ITGB3BP: variants seen among roughly 807,000 people sequenced by gnomAD.
The protein encoded by ITGB3BP is centromere protein R.
Under a neutral mutation model 29.1 loss-of-function variants are expected in ITGB3BP, and 27 were observed. The ratio of observed to expected loss-of-function variants is 0.93; its 90% CI spans 0.68 to 1.28. The LOEUF (loss-of-function observed/expected upper bound fraction) is 1.28. Ranked by LOEUF, ITGB3BP falls within the 50% of genes most tolerant of loss-of-function variation. ITGB3BP has a pLI of 0.00. For missense variants in ITGB3BP, 192 were observed against 200.2 expected, an observed-to-expected ratio of 0.96 and a Z score of 0.25; for synonymous variants, 61 against 61.4, an observed-to-expected ratio of 0.99 and a Z score of 0.03.
intron 1 of ITGB3BP, among the ~76,000 whole-genome samples, chr1:63,518,217 G>A (rs187590202): frequency 1.1e-4 from 16 of 152,234 alleles, no homozygotes; most frequent in Middle Eastern, 3.4e-3. Flanking sequence ...ATTTTCTCAC[G>A]AATGGGTATG....
At chr1:63,522,764 C>T (rs1290124210) in intron 1 of ITGB3BP, among the ~76,000 whole-genome samples, 5 of 152,072 alleles carry the variant, frequency 3.3e-5, no homozygotes, top group Non-Finnish European at 7.3e-5. Context: ...TACACGAACG[C>T]GCCACATTAA....
In ITGB3BP at chr1:63,523,149, AG is replaced by A. The variant is rs755651998; in HGVS notation, c.-17del. 1.2e-6 allele frequency: 2 copies of A among 1,614,142 alleles called. No homozygotes were observed. Among genetic ancestry groups the A allele is most frequent in the Non-Finnish European group, 1.7e-6 (2 of 1,180,028 alleles). ...CCTACGGCATTCTGAGATTCGGGAA[AG>A]CACCACTGCCGCTGAATAAAACGAA... On this transcript the variant is annotated 5_prime_UTR_variant, in exon 1 of 9. Coordinates refer to ENST00000271002, the MANE Select transcript of ITGB3BP (RefSeq NM_014288.5).
chr1:63,488,872 A>G (rs1229956900), intron 3 of ITGB3BP, among the ~76,000 whole-genome samples: 5 of 152,086 alleles, frequency 3.3e-5, no homozygotes, highest in Admixed American at 3.3e-4. Context: ...ATAATCTGTG[A>G]TAATTATCTA....
At chr1:63,508,049 T>C (rs903320550) in intron 2 of ITGB3BP, among the ~76,000 whole-genome samples, 5 of 152,202 alleles carry the variant, frequency 3.3e-5, no homozygotes, top group African/African-American at 1.2e-4. Context: ...GTGATAACTG[T>C]GGTGCAATTT....
upstream of ITGB3BP, among the ~76,000 whole-genome samples, chr1:63,526,490 A>AT (rs1280141597): frequency 1.3e-5 from 2 of 152,182 alleles, no homozygotes; most frequent in African/African-American, 4.8e-5. Flanking sequence ...AAACCCTGAC[A>AT]TATTTGTGCA....
intron 2 of ITGB3BP, among the ~76,000 whole-genome samples, chr1:63,494,509 G>A (rs938443412): frequency 6.6e-6 from 1 of 152,110 alleles, no homozygotes; most frequent in African/African-American, 2.4e-5. Flanking sequence ...ATGGAGAACA[G>A]AAACATTTTG....
chr1:63,454,365 C>A lies in ITGB3BP; in HGVS notation c.427+15G>T. 1.4e-6 allele frequency: 2 copies of A among 1,387,796 alleles called. No homozygotes were observed. The highest frequency in any genetic ancestry group is 1.4e-5 in the African/African-American group (1 of 69,628). 86.0% of individuals were successfully genotyped at this position (1,387,796 alleles called of 1,614,324 possible). On this transcript the variant is annotated intron_variant, in intron 6 of 8. Coordinates refer to ENST00000271002, the MANE Select transcript of ITGB3BP (RefSeq NM_014288.5). This position sits in a 1 kb window ranked among gnomAD's most constrained non-coding sequence, Gnocchi z 4.1. ...TCTTTAAAATTACTGTCATTGAAAACTCAAAAATTCTTACTTAGTTCTTTG... is the reference window on the plus strand; with the variant it reads ...TCTTTAAAATTACTGTCATTGAAAAATCAAAAATTCTTACTTAGTTCTTTG...
intron 4 of ITGB3BP, among the ~76,000 whole-genome samples, chr1:63,475,247 G>T (rs1318322809): frequency 6.6e-6 from 1 of 152,186 alleles, no homozygotes; most frequent in Non-Finnish European, 1.5e-5. Context: ...AAAGAGCTAG[G>T]ATTACAGGCA....
intron 4 of ITGB3BP, among the ~76,000 whole-genome samples, chr1:63,468,956 CAGG>C (rs1371328623): frequency 6.6e-6 from 1 of 151,704 alleles, no homozygotes; most frequent in Non-Finnish European, 1.5e-5. Flanking sequence ...GAGCCTGAGG[CAGG>C]AGGATTGCTT....
intron 7 of ITGB3BP, chr1:63,453,629 A>C (rs1557609683): frequency 4.1e-6 from 1 of 245,136 alleles, no homozygotes; most frequent in Non-Finnish European, 7.8e-6. Flanking sequence ...TCTCAAAAAG[A>C]AATTTTAATA....
chr1:63,447,636 T>G (rs1300604326), intron 7 of ITGB3BP: 1 of 487,808 alleles, frequency 2.0e-6, no homozygotes, highest in Non-Finnish European at 4.1e-6. Context: ...AGCAGGAGTT[T>G]GTAAGACAGA....
chr1:63,482,747 G>A (rs750877354), intron 3 of ITGB3BP, among the ~76,000 whole-genome samples: 7 of 148,124 alleles, frequency 4.7e-5, no homozygotes, highest in Non-Finnish European at 7.4e-5. Flanking sequence ...TCCGCCTCCC[G>A]GGTTCAAGTG....
At chr1:63,480,179 A>T (rs1012754894) in intron 3 of ITGB3BP, among the ~76,000 whole-genome samples, 5 of 152,144 alleles carry the variant, frequency 3.3e-5, no homozygotes, top group Non-Finnish European at 4.4e-5. Context: ...CAAGTTTCAC[A>T]AATTGACAGA....
chr1:63,477,212 A>G (rs1645355346), intron 4 of ITGB3BP, among the ~76,000 whole-genome samples: 1 of 152,202 alleles, frequency 6.6e-6, no homozygotes, highest in Non-Finnish European at 1.5e-5. Flanking sequence ...CTCAGTTTCC[A>G]CATCTTTTAA....
chr1:63,466,268 G>A (rs1394294968), intron 4 of ITGB3BP, among the ~76,000 whole-genome samples: 3 of 152,188 alleles, frequency 2.0e-5, no homozygotes, highest in East Asian at 3.9e-4. Flanking sequence ...TTGGCAATAC[G>A]TTTATTCAGT....
chr1:63,499,379 G>C (rs985590650), intron 2 of ITGB3BP, among the ~76,000 whole-genome samples: 1 of 151,870 alleles, frequency 6.6e-6, no homozygotes, highest in Non-Finnish European at 1.5e-5. Context: ...TCGAACTCCC[G>C]GCCTCAGGTG....
chr1:63,502,278 A>C (rs932985741), intron 2 of ITGB3BP, among the ~76,000 whole-genome samples: 1 of 152,158 alleles, frequency 6.6e-6, no homozygotes, highest in Non-Finnish European at 1.5e-5. Context: ...AACACCCAAC[A>C]ATTTGTGAGG....
chr1:63,460,454 C>T (rs757246828), intron 4 of ITGB3BP, among the ~76,000 whole-genome samples: 3 of 152,264 alleles, frequency 2.0e-5, no homozygotes, highest in Non-Finnish European at 2.9e-5. Flanking sequence ...CAAGATTCTT[C>T]AATGTTGTAG....
chr1:63,482,254 C>CA (rs1557631832), intron 3 of ITGB3BP, among the ~76,000 whole-genome samples: 1 of 102,156 alleles, frequency 9.8e-6, no homozygotes, highest in Non-Finnish European at 1.8e-5. Context: ...GCCTGGGTGA[C>CA]AGAGTGACTC....
Sources: allele counts gnomAD v4.1 joint callset (sites outside exome capture counted in the v4.1 genomes callset), GRCh38; gene constraint gnomAD v4.1.1; non-coding constraint Gnocchi (gnomAD v3.1); transcripts MANE v1.5; gene names NCBI Gene and HGNC (gene_info 2026-07-23, HGNC 2026-07-21).